Variants in JAZF1 observed in about 807,000 individuals in gnomAD.
The protein encoded by JAZF1 is juxtaposed with another zinc finger protein 1.
A neutral mutation model predicts 26.4 loss-of-function variants in JAZF1; 8 were observed. That is an observed-to-expected ratio of 0.30 (90% CI 0.18 to 0.55). The LOEUF is 0.55. Among genes scored for constraint, JAZF1 ranks in the 20% least tolerant of loss-of-function variants. JAZF1 has a pLI of 0.94. For synonymous variants in JAZF1, 126 were observed against 122.3 expected (o/e 1.03, Z -0.20); for missense variants, 199 against 322.0 (o/e 0.62, Z 2.92).
chr7:28,112,172 G>C (rs1443312890), intron 1 of JAZF1, among the ~76,000 whole-genome samples: 1 of 152,110 alleles, frequency 6.6e-6, no homozygotes, highest in Non-Finnish European at 1.5e-5. Context: ...AATACCACTA[G>C]GAAAGAACTT....
chr7:27,851,166 C>G (rs1432700553), intron 3 of JAZF1, among the ~76,000 whole-genome samples: 2 of 152,168 alleles, frequency 1.3e-5, no homozygotes, highest in Non-Finnish European at 2.9e-5. Context: ...TGGTCTTGAA[C>G]CCCTAACCTT....
intron 1 of JAZF1, among the ~76,000 whole-genome samples, chr7:28,097,048 A>G (rs1784398198): frequency 6.6e-6 from 1 of 152,188 alleles, no homozygotes; most frequent in South Asian, 2.1e-4. Flanking sequence ...CTGCTAACCT[A>G]ATATAAAGGG....
intron 3 of JAZF1, chr7:27,841,130 C>T (rs776483717): frequency 2.5e-6 from 1 of 396,066 alleles, no homozygotes; most frequent in Non-Finnish European, 4.5e-6. Context: ...AGAACATTAA[C>T]TCGGTTCTAT....
intron 2 of JAZF1, among the ~76,000 whole-genome samples, chr7:27,952,963 C>G (rs11972656): frequency 4.6e-5 from 7 of 152,184 alleles, no homozygotes; most frequent in African/African-American, 1.7e-4. Flanking sequence ...TAAGATTAAG[C>G]AAAATCATCT....
At chr7:27,851,929 G>T (rs1018460321) in intron 3 of JAZF1, among the ~76,000 whole-genome samples, 4 of 149,546 alleles carry the variant, frequency 2.7e-5, no homozygotes, top group Middle Eastern at 3.5e-3. Context: ...ATGCCTGGGG[G>T]TTCTGAGTTA....
intron 1 of JAZF1, among the ~76,000 whole-genome samples, chr7:28,060,312 C>A (rs1350808339): frequency 6.6e-6 from 1 of 152,122 alleles, no homozygotes; most frequent in African/African-American, 2.4e-5. Context: ...TACCTGAAGT[C>A]TTTGCAGGTT....
At chr7:27,994,991 T>C (rs1488901683) in intron 1 of JAZF1, among the ~76,000 whole-genome samples, 3 of 152,048 alleles carry the variant, frequency 2.0e-5, no homozygotes, top group African/African-American at 4.8e-5. Context: ...TCCTGCACAA[T>C]GACATACTCC....
intron 3 of JAZF1, among the ~76,000 whole-genome samples, chr7:27,854,435 T>G (rs1583431668): frequency 6.6e-6 from 1 of 152,324 alleles, no homozygotes; most frequent in South Asian, 2.1e-4. Context: ...TTATTTTGCT[T>G]GTTAGTTGAT....
intron 1 of JAZF1, among the ~76,000 whole-genome samples, chr7:28,166,213 T>C (rs1783365640): frequency 6.6e-6 from 1 of 152,196 alleles, no homozygotes. Flanking sequence ...CAGGGCAATA[T>C]ATTCTATAAG....
chr7:27,952,894 C>T (rs1167784355), intron 2 of JAZF1, among the ~76,000 whole-genome samples: 4 of 152,170 alleles, frequency 2.6e-5, no homozygotes, highest in Admixed American at 1.3e-4. Context: ...ACAAATCTTA[C>T]CTATTTGATC....
chr7:27,884,587 G>T (rs973338650), intron 3 of JAZF1, among the ~76,000 whole-genome samples: 3 of 152,184 alleles, frequency 2.0e-5, no homozygotes, highest in African/African-American at 4.8e-5. Context: ...ACTGCAGGTT[G>T]GTTTGCCTGT....
chr7:27,931,799 T>A lies in JAZF1; in HGVS notation c.189-36383A>T, dbSNP rs146037461. Among the ~76,000 whole-genome samples the A allele has an allele frequency of 3.5e-3, 535 of 152,052 alleles. 5 individuals carry two copies. The highest frequency in any genetic ancestry group is 0.01 in the African/African-American group (419 of 41,460). On this transcript the variant is annotated intron_variant, in intron 2 of 4. Coordinates refer to ENST00000283928, the MANE Select transcript of JAZF1 (RefSeq NM_175061.4). ...TGAACCTGGGAGACGTGCTGGAACC[T>A]GGGAGAATTGCTTGAACCTGGGAGA...
intron 3 of JAZF1, among the ~76,000 whole-genome samples, chr7:27,893,393 A>C (rs1392444431): frequency 2.0e-5 from 3 of 152,282 alleles, no homozygotes; most frequent in Admixed American, 6.5e-5. Context: ...TTGCTCTTCG[A>C]TTCAACCAAA....
At chr7:27,881,679 C>T (rs563452040) in intron 3 of JAZF1, among the ~76,000 whole-genome samples, 1 of 152,144 alleles carries the variant, frequency 6.6e-6, no homozygotes, top group African/African-American at 2.4e-5. Flanking sequence ...CAGCATCAGT[C>T]CCCGTAACTG....
intron 1 of JAZF1, among the ~76,000 whole-genome samples, chr7:28,120,176 GTT>G (rs68126733): frequency 3.7e-4 from 55 of 147,948 alleles, no homozygotes; most frequent in South Asian, 1.5e-3. Context: ...TTGTTTGGTG[GTT>G]TTTTTTTTTT....
At chr7:27,873,659 C>T (rs181677818) in intron 3 of JAZF1, among the ~76,000 whole-genome samples, 43 of 152,282 alleles carry the variant, frequency 2.8e-4, no homozygotes, top group African/African-American at 1.0e-3. Context: ...ACCATGATAG[C>T]GGTTCACTGA....
At chr7:27,910,067 T>C (rs550871899) in intron 2 of JAZF1, among the ~76,000 whole-genome samples, 15 of 152,314 alleles carry the variant, frequency 9.8e-5, no homozygotes, top group Non-Finnish European at 1.6e-4. Flanking sequence ...GTCTATACCA[T>C]TGAATGACAC....
chr7:27,922,284 G>A (rs924252202), intron 2 of JAZF1, among the ~76,000 whole-genome samples: 6 of 152,120 alleles, frequency 3.9e-5, no homozygotes, highest in Non-Finnish European at 7.4e-5. Context: ...TCACTCAGTC[G>A]CCCAGGCTGG....
intron 1 of JAZF1, among the ~76,000 whole-genome samples, chr7:28,142,608 G>A (rs918671536): frequency 3.9e-5 from 6 of 152,164 alleles, no homozygotes; most frequent in East Asian, 1.9e-4. Context: ...CACAAAGGAC[G>A]CTGCAGTAAG....
Sources: gnomAD v4.1 joint callset for allele counts (sites outside exome capture counted in the v4.1 genomes callset) on GRCh38, gnomAD v4.1.1 for gene constraint, MANE v1.5 for transcripts, NCBI Gene and HGNC (gene_info 2026-07-23, HGNC 2026-07-21) for gene names.